CWC25: variants seen among roughly 807,000 people sequenced by gnomAD.
CWC25 encodes pre-mRNA-splicing factor CWC25 homolog.
In CWC25, 31 loss-of-function variants were observed where a neutral mutation model predicts 54.6. The ratio of observed to expected loss-of-function variants is 0.57; its 90% CI spans 0.43 to 0.77. The LOEUF (loss-of-function observed/expected upper bound fraction) is 0.77. Among genes scored for constraint, CWC25 ranks in the 30% least tolerant of loss-of-function variants. CWC25 has a pLI of 0.00. For synonymous variants in CWC25, 151 were observed against 187.0 expected (o/e 0.81, Z 1.57); for missense variants, 453 against 529.3 (o/e 0.86, Z 1.41).
At chr17:38,815,155 C>G (rs1322153795) in intron 2 of CWC25, 58 bp from the exon 3 acceptor site, 1 of 1,480,782 alleles carries the variant, frequency 6.8e-7, no homozygotes, top group Non-Finnish European at 9.3e-7. Context: ...TTCTGCAAAC[C>G]TACACCTAAA....
chr17:38,823,781 T>C lies in CWC25; in HGVS notation c.18+1385A>G, dbSNP rs112570158. On this transcript the variant is annotated intron_variant, in intron 1 of 9. Coordinates refer to ENST00000614790, the MANE Select transcript of CWC25 (RefSeq NM_017748.5). ...TCCCTGCCTCAAGCATAGATTATTT[T>C]GCTCCCCAGGGAGAAAATCTTCTGG... Among the ~76,000 whole-genome samples the C allele has an allele frequency of 8.9e-4, 135 of 152,282 alleles. 1 individual carries two copies. Among genetic ancestry groups the C allele is most frequent in the African/African-American group, 8.7e-4 (36 of 41,568 alleles).
Position 38,812,788 on chromosome 17 carries a change from T to C in CWC25, c.498+7A>G, listed in dbSNP as rs938703483. 8 of 1,457,974 alleles carry C rather than the reference T, an allele frequency of 5.5e-6. No individual in the cohort carries two copies. The highest frequency in any genetic ancestry group is 7.5e-6 in the Non-Finnish European group (8 of 1,061,764). 90.3% of individuals were successfully genotyped at this position (1,457,974 alleles called of 1,614,324 possible). ...TGCTCTTGGTGCTTATCTGGTATAC[T>C]ACTTACCAATTCTTTGATTTTCTTC... On this transcript the variant is annotated splice_region_variant and intron_variant, in intron 4 of 9. Transcript: ENST00000614790.
rs1005425279 is a variant in CWC25, at chr17:38,800,941, G to C, written c.*1151C>G. ...TGGGACTACAGGCGCCCGCCACCAC[G>C]CCCGGCTAATTTTTTGTATTTTTTT... On this transcript the variant is annotated 3_prime_UTR_variant, in exon 10 of 10. Coordinates refer to ENST00000614790, the MANE Select transcript of CWC25 (RefSeq NM_017748.5). 2.7e-5 allele frequency: 4 copies of C among 148,684 alleles called. No homozygotes were observed. The highest frequency in any genetic ancestry group is 9.8e-5 in the African/African-American group (4 of 40,668). 9.2% of individuals were successfully genotyped at this position (148,684 alleles called of 1,614,324 possible). A position where few individuals can be genotyped will look rare whatever the true frequency, so the allele number is the denominator to read the frequency against.
chr17:38,813,716 A>G (rs977042438), intron 3 of CWC25, among the ~76,000 whole-genome samples: 2 of 151,466 alleles, frequency 1.3e-5, no homozygotes, highest in South Asian at 4.2e-4. Flanking sequence ...GCTAATTTTT[A>G]TATTTCTTAT....
At chr17:38,805,344 T>C (rs1911191466) in intron 8 of CWC25, among the ~76,000 whole-genome samples, 1 of 152,084 alleles carries the variant, frequency 6.6e-6, no homozygotes, top group Non-Finnish European at 1.5e-5. Context: ...GGCAGCAACA[T>C]ATTTGTATTT....
At chr17:38,808,117 G>C (rs1212270771) in intron 6 of CWC25, among the ~76,000 whole-genome samples, 1 of 139,144 alleles carries the variant, frequency 7.2e-6, no homozygotes, top group East Asian at 2.1e-4. Flanking sequence ...GGGTGCAGTG[G>C]CTCACGCCTG....
rs1911546032 is a variant in CWC25 at position 38,812,868 on chromosome 17, A to C, written c.429-4T>G. ...TTTTTTCTCCTCCTCCTTCTTCCTA[A>C]AGAGAGATAATTACAAAATTCATGA... On this transcript the variant is annotated splice_region_variant and splice_polypyrimidine_tract_variant and intron_variant, in intron 3 of 9. Coordinates refer to ENST00000614790, the MANE Select transcript of CWC25 (RefSeq NM_017748.5). 4.1e-6 allele frequency: 6 copies of C among 1,463,202 alleles called. No individual in the cohort carries two copies. The East Asian group carries it at 1.5e-4, about 36-fold the overall frequency. 90.6% of individuals were successfully genotyped at this position (1,463,202 alleles called of 1,614,324 possible). A position where few individuals can be genotyped will look rare whatever the true frequency, so the allele number is the denominator to read the frequency against.
chr17:38,802,263 T>C, intron 9 of CWC25, 57 bp from the exon 10 acceptor site: 2 of 1,184,062 alleles, frequency 1.7e-6, no homozygotes, highest in Non-Finnish European at 2.5e-6. Context: ...AGTCAACTAT[T>C]CTGGCAGCTT....
intron 3 of CWC25, among the ~76,000 whole-genome samples, chr17:38,813,691 C>A (rs1911581420): frequency 6.6e-6 from 1 of 151,928 alleles, no homozygotes; most frequent in East Asian, 1.9e-4. Flanking sequence ...CTATAGGCCC[C>A]CACCACCATG....
At position 38,810,502 on chromosome 17, in the gene CWC25, G is replaced by A. The variant is rs1347191487; in HGVS notation, c.592C>T (p.Arg198Cys). Residue 198 changes from arginine (R) to cysteine (C), a missense_variant, in exon 5 of 10, where the codon CGT (arginine) becomes TGT (cysteine). Arg to Cys is a radical substitution (Grantham distance 180, BLOSUM62 -3). Around this residue, in one of 2 missense-constraint regions of CWC25, gnomAD observed 444 missense variants for 499.2 expected, o/e 0.89. Coordinates refer to ENST00000614790, the MANE Select transcript of CWC25 (RefSeq NM_017748.5). Reference protein sequence around the residue: ...KHKHRSSSSDRSSSEDEHSAG... With the variant: ...KHKHRSSSSDCSSSEDEHSAG... ...CTGTGCTCATCCTCGCTGCTGGAAC[G>A]ATCACTACTCGAGCTTCTGTGCTTA... is the stretch of plus-strand genomic sequence containing the variant. 3.5e-5 allele frequency: 57 copies of A among 1,605,922 alleles called. No homozygotes were observed. The highest frequency in any genetic ancestry group is 4.6e-5 in the Non-Finnish European group (54 of 1,176,380).
chr17:38,823,358 C>T (rs1450972642), intron 1 of CWC25, among the ~76,000 whole-genome samples: 1 of 151,310 alleles, frequency 6.6e-6, no homozygotes, highest in Non-Finnish European at 1.5e-5. Context: ...CGGGGTTTCA[C>T]CATCTTGGCC....
chr17:38,820,436 C>G (rs575725545), intron 2 of CWC25, among the ~76,000 whole-genome samples: 3 of 152,078 alleles, frequency 2.0e-5, no homozygotes, highest in Non-Finnish European at 4.4e-5. Context: ...AATCACTCAG[C>G]TTTTATTGAC....
chr17:38,808,636 C>T (rs565934972), intron 6 of CWC25, among the ~76,000 whole-genome samples: 5 of 141,414 alleles, frequency 3.5e-5, no homozygotes, highest in Admixed American at 2.3e-4. Flanking sequence ...CAAAAATTAG[C>T]CAGGTGTGAT....
rs146096435 is a variant in CWC25 at position 38,802,318 on chromosome 17, A to G, written c.1164-112T>C. 1.4e-3 allele frequency: 940 copies of G among 684,112 alleles called. 10 individuals are homozygous for G. In the African/African-American group the frequency reaches 0.016, roughly 12 times the overall value. The allele number at this position is 684,112 out of a possible 1,614,324, so 42.4% of individuals were successfully genotyped here. A position where few individuals can be genotyped will look rare whatever the true frequency, so the allele number is the denominator to read the frequency against. On this transcript the variant is annotated intron_variant, in intron 9 of 9. Transcript: ENST00000614790. ...GCCATAGAGCAGCTGTAAAAACACAACCTCTTTTAAGCTCCCATAGATAAC... is the reference window on the plus strand; with the variant it reads ...GCCATAGAGCAGCTGTAAAAACACAGCCTCTTTTAAGCTCCCATAGATAAC...
intron 8 of CWC25, among the ~76,000 whole-genome samples, chr17:38,803,994 A>T (rs1476410636): frequency 6.6e-6 from 1 of 152,142 alleles, no homozygotes; most frequent in African/African-American, 2.4e-5. Context: ...GCAGTAAGCC[A>T]TGATCGCCCC....
intron 8 of CWC25, 100 bp downstream of exon 8, chr17:38,806,197 C>T (rs566184364): frequency 8.6e-6 from 9 of 1,051,594 alleles, no homozygotes; most frequent in Admixed American, 4.3e-5. Flanking sequence ...AAAGTTGGTT[C>T]GTCGAAAAGG....
rs1034680818 is a variant in CWC25, at chr17:38,817,949, G to A, written c.192-2852C>T. ...CCACTGCACTCCAGCCTGGGAGACA[G>A]AGCAAGACTCTGACTCAAAAAATAA... On this transcript the variant is annotated intron_variant, in intron 2 of 9. Coordinates refer to ENST00000614790, the MANE Select transcript of CWC25 (RefSeq NM_017748.5). Among the ~76,000 whole-genome samples the A allele has an allele frequency of 6.5e-4, 99 of 151,704 alleles. 1 individual carries two copies. The highest frequency in any genetic ancestry group is 1.5e-4 in the Non-Finnish European group (10 of 67,960).
chr17:38,814,259 T>G (rs1389657463), intron 3 of CWC25, among the ~76,000 whole-genome samples: 1 of 151,588 alleles, frequency 6.6e-6, no homozygotes, highest in Non-Finnish European at 1.5e-5. Flanking sequence ...TTGACTGTAT[T>G]TATTTATTTA....
chr17:38,811,224 A>G (rs1054993550), intron 4 of CWC25, among the ~76,000 whole-genome samples: 25 of 149,560 alleles, frequency 1.7e-4, no homozygotes, highest in African/African-American at 5.9e-4. Context: ...ACAGAGTGAG[A>G]CTCCATCTCA....
Sources: allele counts gnomAD v4.1 joint callset (sites outside exome capture counted in the v4.1 genomes callset), GRCh38; gene constraint gnomAD v4.1.1; regional missense constraint gnomAD v4.1.1; transcripts MANE v1.5; gene names NCBI Gene and HGNC (gene_info 2026-07-23, HGNC 2026-07-21).